Variants in EBF2 observed in about 807,000 individuals in gnomAD.
EBF2 encodes EBF transcription factor 2.
EBF2 carries 21 observed loss-of-function variants against 72.8 expected under a neutral mutation model. That is an observed-to-expected ratio of 0.29 (90% confidence interval 0.20 to 0.42). The LOEUF is 0.42. Among genes scored for constraint, EBF2 ranks in the 10% least tolerant of loss-of-function variants. EBF2 has a pLI of 1.00. For synonymous variants in EBF2, 299 were observed against 274.2 expected (o/e 1.09, Z -0.89); for missense variants, 637 against 731.2 (o/e 0.87, Z 1.49).
At chr8:25,848,260 GCTAGAGC>G (rs1469469700) in intron 15 of EBF2, among the ~76,000 whole-genome samples, 2 of 152,196 alleles carry the variant, frequency 1.3e-5, no homozygotes. Flanking sequence ...TAGAAATGAA[GCTAGAGC>G]CTAGAGCCTG....
chr8:25,904,293 G>C (rs963298212), intron 7 of EBF2, among the ~76,000 whole-genome samples: 5 of 149,036 alleles, frequency 3.4e-5, no homozygotes, highest in Non-Finnish European at 5.9e-5. Flanking sequence ...TTGTGTTTCA[G>C]TATTTTTTAT....
chr8:25,889,602 C>T (rs550149892), intron 8 of EBF2, 150 bp downstream of exon 8: 1 of 601,930 alleles, frequency 1.7e-6, no homozygotes, highest in African/African-American at 1.9e-5. Context: ...AGGCTGGAGT[C>T]TGTGTTTACA....
At chr8:25,882,299 G>T (rs1802616703) in intron 10 of EBF2, among the ~76,000 whole-genome samples, 1 of 152,086 alleles carries the variant, frequency 6.6e-6, no homozygotes, top group Non-Finnish European at 1.5e-5. Context: ...CCCTGCGAGG[G>T]GAACAAGGGG....
intron 6 of EBF2, among the ~76,000 whole-genome samples, chr8:25,917,786 C>T (rs1015240932): frequency 3.3e-5 from 5 of 152,220 alleles, no homozygotes; most frequent in South Asian, 2.1e-4. Flanking sequence ...TCTGCCCTCC[C>T]GGCAGAGCTC....
At chr8:25,989,201 A>G (rs1804508399) in intron 6 of EBF2, among the ~76,000 whole-genome samples, 1 of 152,210 alleles carries the variant, frequency 6.6e-6, no homozygotes, top group Non-Finnish European at 1.5e-5. Flanking sequence ...AGAAACAGAA[A>G]AGGATGAATT....
intron 6 of EBF2, chr8:26,032,794 C>T (rs990637938): frequency 2.3e-5 from 7 of 302,738 alleles, no homozygotes; most frequent in Non-Finnish European, 2.5e-5. Flanking sequence ...ATACCCTGCC[C>T]GAAAGGAGAG....
chr8:26,043,269 G>T (rs1392300697), intron 1 of EBF2, among the ~76,000 whole-genome samples: 1 of 152,272 alleles, frequency 6.6e-6, no homozygotes, highest in Non-Finnish European at 1.5e-5. Flanking sequence ...GCCCTGCGGC[G>T]CTGGGGTCTC....
intron 6 of EBF2, among the ~76,000 whole-genome samples, chr8:26,017,973 G>A (rs1012660432): frequency 6.6e-6 from 1 of 152,130 alleles, no homozygotes; most frequent in South Asian, 2.1e-4. Context: ...CTGGGGTATG[G>A]GGTGATAAGA....
intron 6 of EBF2, among the ~76,000 whole-genome samples, chr8:25,946,548 T>C (rs1245511164): frequency 6.6e-6 from 1 of 152,220 alleles, no homozygotes; most frequent in East Asian, 1.9e-4. Flanking sequence ...TTTATCCTTC[T>C]CTTCCCTCCT....
chr8:25,990,521 C>G (rs1804527050), intron 6 of EBF2, among the ~76,000 whole-genome samples: 1 of 152,190 alleles, frequency 6.6e-6, no homozygotes. Flanking sequence ...CAGCCTGTCT[C>G]TCTTATCCCA....
chr8:25,913,171 G>A lies in EBF2; in HGVS notation c.552-4616C>T, dbSNP rs763429717. Among the ~76,000 whole-genome samples the A allele has an allele frequency of 3.0e-4, 46 of 152,046 alleles. 1 individual carries two copies. The highest frequency in any genetic ancestry group is 1.0e-4 in the Non-Finnish European group (7 of 68,010). On this transcript the variant is annotated intron_variant, in intron 6 of 15. Transcript: ENST00000520164. ...AAAAGAAGTCCATAAGGCCAGGTGC[G>A]GTGGCTCACTCCTGTAATCCCAGCA...
intron 6 of EBF2, among the ~76,000 whole-genome samples, chr8:26,011,587 A>C (rs1368508632): frequency 6.6e-6 from 1 of 152,128 alleles, no homozygotes; most frequent in East Asian, 1.9e-4. Context: ...GAGAGACATC[A>C]GCTAAAATGC....
chr8:25,881,775 G>C (rs1212993043), intron 10 of EBF2, among the ~76,000 whole-genome samples: 1 of 152,132 alleles, frequency 6.6e-6, no homozygotes, highest in East Asian at 1.9e-4. Flanking sequence ...ACCCTGGAAG[G>C]CAGACACACA....
intron 6 of EBF2, among the ~76,000 whole-genome samples, chr8:25,965,354 G>T (rs958589905): frequency 1.3e-5 from 2 of 152,254 alleles, no homozygotes; most frequent in South Asian, 2.1e-4. Flanking sequence ...ACAGATCTTG[G>T]TTAGACTGCT....
chr8:25,897,501 C>T (rs572683562), intron 7 of EBF2, among the ~76,000 whole-genome samples: 56 of 152,202 alleles, frequency 3.7e-4, no homozygotes, highest in African/African-American at 1.3e-3. Context: ...AGTTTTTCAG[C>T]CCTCTCCTCC....
chr8:25,867,210 T>C (rs1404375257), intron 10 of EBF2, among the ~76,000 whole-genome samples: 1 of 152,198 alleles, frequency 6.6e-6, no homozygotes, highest in Non-Finnish European at 1.5e-5. Context: ...CATGGCTCTG[T>C]CCAACTAATG....
intron 5 of EBF2, among the ~76,000 whole-genome samples, chr8:26,036,873 A>T (rs1805509491): frequency 6.6e-6 from 1 of 152,164 alleles, no homozygotes; most frequent in Admixed American, 6.5e-5. Flanking sequence ...TGTTTTCTAA[A>T]ACTAAAAATG....
Position 26,044,993 on chromosome 8 carries a change from C to A in EBF2, c.-134G>T. 5 of 891,772 alleles carry A rather than the reference C, an allele frequency of 5.6e-6. No homozygotes were observed. The highest frequency in any genetic ancestry group is 2.1e-5 in the South Asian group (1 of 47,192). 55.2% of individuals were successfully genotyped at this position (891,772 alleles called of 1,614,324 possible). ...AGGGATCAAGTGCCCAAGTTTGAGT[C>A]TTAGAAAAAAAAAAAAGATAACCCG... is the stretch of plus-strand genomic sequence containing the variant. On this transcript the variant is annotated 5_prime_UTR_variant, in exon 1 of 16. Transcript: ENST00000520164. This position sits in a 1 kb window ranked among gnomAD's most constrained non-coding sequence, Gnocchi z 4.1.
intron 6 of EBF2, among the ~76,000 whole-genome samples, chr8:25,969,726 G>A (rs1804163052): frequency 6.6e-6 from 1 of 152,210 alleles, no homozygotes; most frequent in African/African-American, 2.4e-5. Flanking sequence ...GATGGATCCA[G>A]GCACCAGTTT....
Sources: gnomAD v4.1 joint callset for allele counts (sites outside exome capture counted in the v4.1 genomes callset) on GRCh38, gnomAD v4.1.1 for gene constraint, Gnocchi (gnomAD v3.1) non-coding constraint, MANE v1.5 for transcripts, NCBI Gene and HGNC (gene_info 2026-07-23, HGNC 2026-07-21) for gene names.